Variants in CNOT6 observed in about 807,000 individuals in gnomAD.
The protein encoded by CNOT6 is CCR4-NOT transcription complex subunit 6, also known as carbon catabolite repression 4 protein.
CNOT6 carries 12 observed loss-of-function variants against 61.2 expected under a neutral mutation model. The ratio of observed to expected loss-of-function variants is 0.20; its 90% confidence interval spans 0.13 to 0.32. CNOT6 has a LOEUF of 0.32. Among genes scored for constraint, CNOT6 ranks in the 10% least tolerant of loss-of-function variants. The pLI is 1.00. For synonymous variants in CNOT6, 225 were observed against 240.6 expected (o/e 0.94, Z 0.60); for missense variants, 405 against 663.9 (o/e 0.61, Z 4.28).
intron 3 of CNOT6, among the ~76,000 whole-genome samples, chr5:180,552,252 C>T (rs1388543278): frequency 3.9e-5 from 6 of 152,078 alleles, no homozygotes; most frequent in South Asian, 2.1e-4. Flanking sequence ...GTTGAGTTTA[C>T]AGCCACACAG....
chr5:180,574,292 C>G lies in CNOT6; in HGVS notation c.*92C>G. 1 of 1,058,308 alleles carries G rather than the reference C, an allele frequency of 9.4e-7. No individual in the cohort carries two copies. Among genetic ancestry groups the G allele is most frequent in the South Asian group, 1.4e-5 (1 of 73,670 alleles). 65.6% of individuals were successfully genotyped at this position (1,058,308 alleles called of 1,614,324 possible). A position where few individuals can be genotyped will look rare whatever the true frequency, so the allele number is the denominator to read the frequency against. On this transcript the variant is annotated 3_prime_UTR_variant, in exon 12 of 12. Coordinates refer to ENST00000261951, the MANE Select transcript of CNOT6 (RefSeq NM_001370472.1). ...GAGGTATGGCCACTGAGGATTTTTG[C>G]TTGCTTAAGAATGATTTGGACTTTC...
chr5:180,507,050 A>G (rs1757161588), intron 1 of CNOT6, among the ~76,000 whole-genome samples: 1 of 152,090 alleles, frequency 6.6e-6, no homozygotes, highest in South Asian at 2.1e-4. Flanking sequence ...GATATGGAGG[A>G]AGGTTGTAAT....
intron 1 of CNOT6, among the ~76,000 whole-genome samples, chr5:180,497,668 A>G (rs1462738813): frequency 6.6e-6 from 1 of 152,326 alleles, no homozygotes; most frequent in East Asian, 1.9e-4. Context: ...AGACTTGGAT[A>G]TGTAGATATC....
intron 1 of CNOT6, among the ~76,000 whole-genome samples, chr5:180,515,600 G>A (rs1581484240): frequency 6.6e-6 from 1 of 152,144 alleles, no homozygotes; most frequent in Admixed American, 6.6e-5. Flanking sequence ...ATGTGTAATA[G>A]TTGAAGTTGA....
chr5:180,555,074 T>G (rs964693899), intron 4 of CNOT6, among the ~76,000 whole-genome samples: 1 of 151,778 alleles, frequency 6.6e-6, no homozygotes, highest in African/African-American at 2.4e-5. Flanking sequence ...CATCATGATA[T>G]CGGCTCACTG....
At chr5:180,523,357 G>A (rs976189573) in intron 1 of CNOT6, among the ~76,000 whole-genome samples, 4 of 152,058 alleles carry the variant, frequency 2.6e-5, no homozygotes, top group African/African-American at 9.7e-5. Context: ...CTGGTTAGGG[G>A]CTGTTAGGAT....
chr5:180,534,020 G>A (rs1758540102), intron 2 of CNOT6, among the ~76,000 whole-genome samples: 1 of 152,190 alleles, frequency 6.6e-6, no homozygotes, highest in South Asian at 2.1e-4. Context: ...CACCCATCAG[G>A]GTTGATTGGC....
chr5:180,531,029 A>G (rs1353908247), intron 2 of CNOT6, among the ~76,000 whole-genome samples: 1 of 152,162 alleles, frequency 6.6e-6, no homozygotes, highest in Non-Finnish European at 1.5e-5. Flanking sequence ...CCCCTTTTCT[A>G]TTCGACAAAA....
chr5:180,536,443 A>G lies in CNOT6; in HGVS notation c.112+7055A>G, dbSNP rs538223184. The stretch of plus-strand genomic sequence containing the variant: ...ATTTTTGCTGTGCAGAAACTTCTTA[A>G]TGTAATTAAGTCCCATTTATCTATT... On this transcript the variant is annotated intron_variant, in intron 2 of 11. Transcript: ENST00000261951. 6.1e-4 allele frequency among the ~76,000 whole-genome samples: 93 copies of G among 151,934 alleles called. 1 individual carries two copies. The highest frequency in any genetic ancestry group is 2.0e-3 in the Admixed American group (31 of 15,250).
chr5:180,505,011 T>A (rs541785144), intron 1 of CNOT6, among the ~76,000 whole-genome samples: 6 of 140,736 alleles, frequency 4.3e-5, no homozygotes, highest in African/African-American at 1.6e-4. Context: ...CAGGCTGGAG[T>A]GCAGTGGCGC....
chr5:180,542,654 G>T (rs72812973), intron 2 of CNOT6, among the ~76,000 whole-genome samples: 2,882 of 152,134 alleles, frequency 0.019, 38 homozygotes, highest in Non-Finnish European at 0.027. Context: ...TTTAGTGTTT[G>T]CTAATCACCC....
Position 180,541,688 on chromosome 5 carries a change from G to T in CNOT6, c.113-8243G>T, listed in dbSNP as rs562428749. 3.3e-5 allele frequency among the ~76,000 whole-genome samples: 5 copies of T among 151,758 alleles called. No individual in the cohort carries two copies. In the East Asian group the frequency reaches 9.7e-4, roughly 29 times the overall value. On this transcript the variant is annotated intron_variant, in intron 2 of 11. Coordinates refer to ENST00000261951, the MANE Select transcript of CNOT6 (RefSeq NM_001370472.1). ...AGGATGGTCTCGATCTCCTGACCTCGTGATCCACCCACCTCAGCCTCTCAA... is the reference window on the plus strand; with the variant it reads ...AGGATGGTCTCGATCTCCTGACCTCTTGATCCACCCACCTCAGCCTCTCAA...
chr5:180,505,875 A>G (rs1451928013), intron 1 of CNOT6, among the ~76,000 whole-genome samples: 1 of 152,144 alleles, frequency 6.6e-6, no homozygotes, highest in Non-Finnish European at 1.5e-5. Context: ...TAAGACTGCA[A>G]AAGGGTCCCG....
rs764402180 is a variant in CNOT6, at chr5:180,571,195, A to G, written c.1259-35A>G. The G allele has an allele frequency of 5.6e-6, 8 of 1,416,756 alleles. No homozygotes were observed. In the Admixed American group the frequency reaches 1.0e-4, roughly 18 times the overall value. 87.8% of individuals were successfully genotyped at this position (1,416,756 alleles called of 1,614,324 possible). On this transcript the variant is annotated intron_variant, in intron 10 of 11. Coordinates refer to ENST00000261951, the MANE Select transcript of CNOT6 (RefSeq NM_001370472.1). ...GATCTTTTAAAATTACTTTTTGTAT[A>G]TATTTGACAATAAAAAAATTTGTCT...
intron 1 of CNOT6, among the ~76,000 whole-genome samples, chr5:180,510,256 C>T (rs996225829): frequency 1.4e-5 from 2 of 145,926 alleles, no homozygotes; most frequent in Non-Finnish European, 3.0e-5. Context: ...CCTCAAACTC[C>T]TGGGCTCAGC....
At chr5:180,563,250 C>G (rs1033729360) in intron 4 of CNOT6, among the ~76,000 whole-genome samples, 3 of 147,396 alleles carry the variant, frequency 2.0e-5, no homozygotes, top group Non-Finnish European at 4.5e-5. Context: ...GAGTCTCGCT[C>G]TGTTGCCCAG....
chr5:180,515,884 G>A (rs1173766806), intron 1 of CNOT6, among the ~76,000 whole-genome samples: 1 of 152,122 alleles, frequency 6.6e-6, no homozygotes, highest in Non-Finnish European at 1.5e-5. Flanking sequence ...AAAGGAGAGA[G>A]AGATGTCAAA....
chr5:180,510,963 CCCG>C (rs750482834), intron 1 of CNOT6, among the ~76,000 whole-genome samples: 36 of 152,198 alleles, frequency 2.4e-4, no homozygotes, highest in Non-Finnish European at 2.5e-4. Context: ...TGCCACCATT[CCCG>C]GCTAATTTTT....
chr5:180,550,195 C>A, intron 3 of CNOT6, 78 bp downstream of exon 3: 6 of 1,141,966 alleles, frequency 5.3e-6, no homozygotes, highest in Non-Finnish European at 7.6e-6. Flanking sequence ...TGGCTTATGC[C>A]TGTAATTCTA....
Sources: gnomAD v4.1 joint callset for allele counts (sites outside exome capture counted in the v4.1 genomes callset) on GRCh38, gnomAD v4.1.1 for gene constraint, MANE v1.5 for transcripts, NCBI Gene and HGNC (gene_info 2026-07-23, HGNC 2026-07-21) for gene names.